PRRC2B: variants seen among roughly 807,000 people sequenced by gnomAD.
PRRC2B encodes the protein protein PRRC2B.
PRRC2B carries 68 observed loss-of-function variants against 242.3 expected under a neutral mutation model. The ratio of observed to expected loss-of-function variants is 0.28; its 90% confidence interval spans 0.23 to 0.34. The LOEUF is 0.34. PRRC2B is among the 10% of genes least tolerant of loss of function. The probability of loss-of-function intolerance (pLI) is 1.00; values close to 1 mark genes in which losing one functional copy is unlikely to be tolerated. For missense variants in PRRC2B, 2,835 were observed against 2,954.8 expected (o/e 0.96, Z 0.94); for synonymous variants, 1,228 against 1,173.6 (o/e 1.05, Z -0.95).
chr9:131,450,944 A>G (rs1942894025), intron 9 of PRRC2B, among the ~76,000 whole-genome samples: 1 of 152,014 alleles, frequency 6.6e-6, no homozygotes, highest in East Asian at 1.9e-4. Context: ...TAGGGCTTTC[A>G]TTTCTCTCAG....
intron 5 of PRRC2B, among the ~76,000 whole-genome samples, chr9:131,443,068 T>TA (rs1353760605): frequency 1.3e-5 from 2 of 152,206 alleles, no homozygotes; most frequent in African/African-American, 4.8e-5. Context: ...CACCTGATCT[T>TA]ACCACATTTG....
chr9:131,382,080 G>A (rs1836768990), intron 1 of PRRC2B, among the ~76,000 whole-genome samples: 1 of 151,996 alleles, frequency 6.6e-6, no homozygotes, highest in East Asian at 1.9e-4. Flanking sequence ...GCAGTGGCAT[G>A]ATCTCAGCTC....
chr9:131,437,796 G>T (rs967739007), intron 4 of PRRC2B, among the ~76,000 whole-genome samples: 5 of 152,208 alleles, frequency 3.3e-5, no homozygotes, highest in Non-Finnish European at 1.5e-5. Context: ...GCTAGTCAGA[G>T]TATTTAGAGT....
At chr9:131,438,476 G>A (rs1838447877) in intron 4 of PRRC2B, among the ~76,000 whole-genome samples, 1 of 152,176 alleles carries the variant, frequency 6.6e-6, no homozygotes, top group Non-Finnish European at 1.5e-5. Flanking sequence ...GGGGAGCTGT[G>A]CCTTGTAGAG....
At position 131,432,745 on chromosome 9, in the gene PRRC2B, A is replaced by C. The variant is rs1202486196; in HGVS notation, c.244A>C (p.Lys82Gln). 4 of 1,614,056 alleles carry C rather than the reference A, an allele frequency of 2.5e-6. No individual in the cohort carries two copies. Among genetic ancestry groups the C allele is most frequent in the Non-Finnish European group, 3.4e-6 (4 of 1,179,892 alleles). ...CGACCCCAACATCGTGATAGTACCC[A>C]AGGACGGGACGGGATGGGCAAACAA... ...GNDPNIVIVP[K>Q]DGTGWANKQD... The change falls in exon 3 of 32, where the codon AAG (lysine) becomes CAG (glutamine). Residue 82 changes from lysine (K) to glutamine (Q), a missense_variant. Lys to Gln is a moderately conservative substitution (Grantham distance 53, BLOSUM62 1). Coordinates refer to ENST00000683519, the MANE Select transcript of PRRC2B (RefSeq NM_013318.4).
intron 1 of PRRC2B, among the ~76,000 whole-genome samples, chr9:131,383,873 G>A (rs747910821): frequency 1.3e-5 from 2 of 151,490 alleles, no homozygotes; most frequent in Non-Finnish European, 2.9e-5. Context: ...CACCCGCCTC[G>A]GCCTCCCAAA....
chr9:131,483,291 G>A, intron 22 of PRRC2B, 68 bp from the exon 23 acceptor site: 1 of 1,417,952 alleles, frequency 7.1e-7, no homozygotes, highest in South Asian at 1.2e-5. Context: ...TCACGTTAAT[G>A]TATGCCTCTG....
chr9:131,470,384 G>A (rs1301556844), intron 13 of PRRC2B, among the ~76,000 whole-genome samples: 1 of 152,126 alleles, frequency 6.6e-6, no homozygotes, highest in Non-Finnish European at 1.5e-5. Flanking sequence ...AGGCCTGGAG[G>A]GAGCAGGGAA....
At chr9:131,462,400 A>G (rs1367611991) in intron 11 of PRRC2B, among the ~76,000 whole-genome samples, 4 of 152,040 alleles carry the variant, frequency 2.6e-5, no homozygotes, top group Admixed American at 6.5e-5. Flanking sequence ...TTTAGTAGAA[A>G]TGGGGTTTCA....
At chr9:131,430,640 T>A (rs2131324286) in intron 2 of PRRC2B, among the ~76,000 whole-genome samples, 1 of 150,982 alleles carries the variant, frequency 6.6e-6, no homozygotes, top group Non-Finnish European at 1.5e-5. Context: ...TCACCCAGGC[T>A]GGAGTTCAGT....
intron 1 of PRRC2B, among the ~76,000 whole-genome samples, chr9:131,417,786 T>C (rs1837697345): frequency 6.6e-6 from 1 of 152,196 alleles, no homozygotes; most frequent in Non-Finnish European, 1.5e-5. Flanking sequence ...GGGCCATCTG[T>C]GGGATGTGTG....
At chr9:131,439,116 G>T in intron 5 of PRRC2B, 55 bp downstream of exon 5, 1 of 1,431,510 alleles carries the variant, frequency 7.0e-7, no homozygotes, top group Non-Finnish European at 9.8e-7. Context: ...GGAGGTGAAT[G>T]CCTTTTCCAG....
chr9:131,400,507 G>A (rs1211851980), intron 1 of PRRC2B, among the ~76,000 whole-genome samples: 6 of 151,970 alleles, frequency 3.9e-5, no homozygotes, highest in African/African-American at 1.5e-4. Flanking sequence ...TAGTAGAGAC[G>A]GGGTTTTGCC....
chr9:131,453,564 C>T (rs1942984978), intron 9 of PRRC2B, among the ~76,000 whole-genome samples: 1 of 152,158 alleles, frequency 6.6e-6, no homozygotes, highest in Admixed American at 6.5e-5. Context: ...CAAGATCTTG[C>T]TCTGTTGCCC....
intron 28 of PRRC2B, 153 bp from the exon 29 acceptor site, chr9:131,491,272 A>G: frequency 6.7e-6 from 5 of 750,488 alleles, no homozygotes; most frequent in Admixed American, 3.0e-5. Flanking sequence ...CCTGTGCTGC[A>G]GTAGAAATTA....
intron 4 of PRRC2B, 78 bp from the exon 5 acceptor site, chr9:131,438,911 G>T: frequency 1.7e-6 from 2 of 1,148,100 alleles, no homozygotes; most frequent in Non-Finnish European, 2.6e-6. Flanking sequence ...TGGCCTCTCA[G>T]CACCTTGTTG....
intron 1 of PRRC2B, among the ~76,000 whole-genome samples, chr9:131,407,555 C>T (rs1458875325): frequency 3.3e-5 from 5 of 152,152 alleles, no homozygotes; most frequent in Admixed American, 1.3e-4. Context: ...GGCGATTGTC[C>T]TGGGTTTCCT....
In PRRC2B at chr9:131,447,127, C is replaced by G; in HGVS notation, c.898C>G (p.Arg300Gly). Residue 300 changes from arginine (R) to glycine (G), a missense_variant, in exon 8 of 32, where the codon CGA becomes GGA. By Grantham distance (125) the Arg-to-Gly change is moderately radical (BLOSUM62 -2). This residue lies in a region of PRRC2B where 626 missense variants were observed against 685.5 expected (regional missense o/e 0.91). Transcript: ENST00000683519. ...ATCAGAAAACCAGGGTACAGTGGAACGAGGCTCTTTTCCCCTTCCTCAGCT... is the reference window on the plus strand; with the variant it reads ...ATCAGAAAACCAGGGTACAGTGGAAGGAGGCTCTTTTCCCCTTCCTCAGCT... ...KSSENQGTVERGSFPLPQLRL... is the reference protein window; with the variant it reads ...KSSENQGTVEGGSFPLPQLRL... 1 of 1,613,974 alleles carries G rather than the reference C, an allele frequency of 6.2e-7. No individual in the cohort carries two copies. Among genetic ancestry groups the G allele is most frequent in the Non-Finnish European group, 8.5e-7 (1 of 1,179,864 alleles).
chr9:131,477,616 C>G (rs1247619924), intron 16 of PRRC2B, 128 bp from the exon 17 acceptor site: 1 of 626,242 alleles, frequency 1.6e-6, no homozygotes, highest in Non-Finnish European at 2.8e-6. Flanking sequence ...CGCTCCTCCC[C>G]ACCCGAGGAG....
Sources: allele counts gnomAD v4.1 joint callset (sites outside exome capture counted in the v4.1 genomes callset), GRCh38; gene constraint gnomAD v4.1.1; regional missense constraint gnomAD v4.1.1; transcripts MANE v1.5; gene names NCBI Gene and HGNC (gene_info 2026-07-23, HGNC 2026-07-21).